Variants in DPAGT1 observed in about 807,000 individuals in gnomAD.
The protein encoded by DPAGT1 is UDP-N-acetylglucosamine--dolichyl-phosphate N-acetylglucosaminephosphotransferase.
In DPAGT1, 25 loss-of-function variants were observed where a neutral mutation model predicts 39.3. The ratio of observed to expected loss-of-function variants is 0.64; its 90% CI spans 0.46 to 0.89. DPAGT1 has a LOEUF of 0.89. Among genes scored for constraint, DPAGT1 ranks in the 40% least tolerant of loss-of-function variants. The pLI, the probability that DPAGT1 is intolerant of heterozygous loss-of-function variation, is 0.00. For missense variants in DPAGT1, 381 were observed against 500.6 expected, an observed-to-expected ratio of 0.76 and a Z score of 2.28; for synonymous variants, 193 against 201.4, an observed-to-expected ratio of 0.96 and a Z score of 0.36.
rs1337164241 is a variant in DPAGT1 at position 119,101,853 on chromosome 11, T to G, written c.-198A>C. On this transcript the variant is annotated 5_prime_UTR_variant, in exon 1 of 9. Coordinates refer to ENST00000354202, the MANE Select transcript of DPAGT1 (RefSeq NM_001382.4). The stretch of plus-strand genomic sequence containing the variant: ...AACCTCTCTAAGGCAACCTATGTTC[T>G]GCCCCGCTGCACCCGCCTATCTACT... 3.5e-6 allele frequency: 5 copies of G among 1,447,238 alleles called. No individual in the cohort carries two copies. The highest frequency in any genetic ancestry group is 4.5e-6 in the Non-Finnish European group (5 of 1,101,942). 89.6% of individuals were successfully genotyped at this position (1,447,238 alleles called of 1,614,324 possible).
chr11:119,101,713 G>A lies in DPAGT1; in HGVS notation c.-58C>T, dbSNP rs1946515125. 6.2e-7 allele frequency: 1 copy of A among 1,612,798 alleles called. No individual in the cohort carries two copies. The highest frequency in any genetic ancestry group is 1.3e-5 in the African/African-American group (1 of 74,906). On this transcript the variant is annotated 5_prime_UTR_variant, in exon 1 of 9. Transcript: ENST00000354202. ...CTTCAGGTAACGGGCAAGCTGAGCA[G>A]CAGTCCTGAGGCCTCAGCAGTATGG...
At position 119,101,695 on chromosome 11, in the gene DPAGT1, T is replaced by C; in HGVS notation, c.-40A>G. 1.2e-6 allele frequency: 2 copies of C among 1,613,874 alleles called. No individual in the cohort carries two copies. Among genetic ancestry groups the C allele is most frequent in the East Asian group, 2.2e-5 (1 of 44,868 alleles). Reference sequence around the variant, plus strand: ...GGCCCGGCTCCGCCGCCTCTTCAGGTAACGGGCAAGCTGAGCAGCAGTCCT... The same window carrying C: ...GGCCCGGCTCCGCCGCCTCTTCAGGCAACGGGCAAGCTGAGCAGCAGTCCT... On this transcript the variant is annotated 5_prime_UTR_variant, in exon 1 of 9. Coordinates refer to ENST00000354202, the MANE Select transcript of DPAGT1 (RefSeq NM_001382.4).
At position 119,101,848 on chromosome 11, in the gene DPAGT1, T is replaced by G; in HGVS notation, c.-193A>C. The G allele has an allele frequency of 1.4e-6, 2 of 1,453,696 alleles. No individual in the cohort carries two copies. The highest frequency in any genetic ancestry group is 1.8e-6 in the Non-Finnish European group (2 of 1,105,128). The allele number at this position is 1,453,696 out of a possible 1,614,324, so 90.0% of individuals were successfully genotyped here. A position where few individuals can be genotyped will look rare whatever the true frequency, so the allele number is the denominator to read the frequency against. On this transcript the variant is annotated 5_prime_UTR_variant, in exon 1 of 9. Coordinates refer to ENST00000354202, the MANE Select transcript of DPAGT1 (RefSeq NM_001382.4). ...CGGGGAACCTCTCTAAGGCAACCTA[T>G]GTTCTGCCCCGCTGCACCCGCCTAT...
chr11:119,097,170 T>G lies in DPAGT1; in HGVS notation c.1133A>C (p.Asn378Thr), dbSNP rs972565409. 6.2e-7 allele frequency: 1 copy of G among 1,613,212 alleles called. No homozygotes were observed. The highest frequency in any genetic ancestry group is 8.5e-7 in the Non-Finnish European group (1 of 1,179,830). ...LKVLGPIHERNLTLLLLLLQI... is the reference protein window; with the variant it reads ...LKVLGPIHERTLTLLLLLLQI... The stretch of plus-strand genomic sequence containing the variant: ...CAGCAGCAGCAGGAGCAATGTGAGG[T>G]TTCTCTCATGTATGGGCCCAAGGAC... The change falls in exon 8 of 9, where the codon AAC (asparagine) becomes ACC (threonine). Residue 378 changes from asparagine (N) to threonine (T), a missense_variant. Physicochemically the swap from Asn to Thr is moderately conservative, Grantham distance 65. Transcript: ENST00000354202. This position sits in a 1 kb window ranked among gnomAD's most constrained non-coding sequence, Gnocchi z 4.6.
chr11:119,099,857 T>C (rs1946465409), intron 4 of DPAGT1, among the ~76,000 whole-genome samples: 1 of 151,674 alleles, frequency 6.6e-6, no homozygotes, highest in African/African-American at 2.4e-5. Flanking sequence ...GTCGCTCATG[T>C]TAGCCGAGAG....
intron 4 of DPAGT1, among the ~76,000 whole-genome samples, chr11:119,099,531 A>G (rs1946456782): frequency 6.6e-6 from 1 of 151,404 alleles, no homozygotes; most frequent in Non-Finnish European, 1.5e-5. Context: ...CAGTGGCTCA[A>G]GAGTGTAATC....
rs1318664859 is a variant in DPAGT1 at position 119,100,857 on chromosome 11, G to A, written c.283-14C>T. The A allele has an allele frequency of 1.9e-6, 3 of 1,614,122 alleles. No individual in the cohort carries two copies. The highest frequency in any genetic ancestry group is 1.7e-6 in the Non-Finnish European group (2 of 1,180,020). ...CAGGGCCACAAACTGGGGGAGGCTCGGGCAGGTCCATGACTCAAGCCTGCT... is the reference window on the plus strand; with the variant it reads ...CAGGGCCACAAACTGGGGGAGGCTCAGGCAGGTCCATGACTCAAGCCTGCT... On this transcript the variant is annotated splice_polypyrimidine_tract_variant and intron_variant, in intron 2 of 8. Transcript: ENST00000354202.
At chr11:119,095,041 G>A, downstream of DPAGT1, 5 of 1,613,646 alleles carry the variant, frequency 3.1e-6, no homozygotes, top group Non-Finnish European at 4.2e-6. Flanking sequence ...TGGTCTTCTT[G>A]GGCAGCAGCA....
Position 119,101,144 on chromosome 11 carries a change from G to A in DPAGT1, c.162-6C>T, listed in dbSNP as rs761454590. ...TCACTCCCTGGGATTCTGGGCTGTG[G>A]CCCAGCAGCAAGGGGGCGAGGGGGA... On this transcript the variant is annotated splice_region_variant and splice_polypyrimidine_tract_variant and intron_variant, in intron 1 of 8. Transcript: ENST00000354202. 17 of 1,613,832 alleles carry A rather than the reference G, an allele frequency of 1.1e-5. No homozygotes were observed. In the African/African-American group the frequency reaches 1.5e-4, roughly 14 times the overall value.
Position 119,097,132 on chromosome 11 carries a change from C to T in DPAGT1, c.1161+10G>A, listed in dbSNP as rs761082821. ...AGACACGGAGGTATAAACTCGATTC[C>T]CATCCTCACCTGCAGCAGCAGCAGG... is the stretch of plus-strand genomic sequence containing the variant. On this transcript the variant is annotated intron_variant, in intron 8 of 8. Coordinates refer to ENST00000354202, the MANE Select transcript of DPAGT1 (RefSeq NM_001382.4). The surrounding 1 kb of genome is among the most constrained non-coding windows in gnomAD (Gnocchi z 4.6). 7 of 1,614,062 alleles carry T rather than the reference C, an allele frequency of 4.3e-6. No homozygotes were observed. In the East Asian group the frequency reaches 1.3e-4, roughly 31 times the overall value.
Position 119,097,186 on chromosome 11 carries a change from GC to G in DPAGT1, c.1116del (p.Ile374TyrfsTer48). 1 of 1,614,152 alleles carries G rather than the reference GC, an allele frequency of 6.2e-7. No individual in the cohort carries two copies. The highest frequency in any genetic ancestry group is 8.5e-7 in the Non-Finnish European group (1 of 1,180,010). ...AATGTGAGGTTTCTCTCATGTATGG[GC>G]CCAAGGACTTTAAGTAGCAAGTTGA... ...TLINLLLKVLGPIHERNLTLL... is the reference protein window; with the variant it reads ...TLINLLLKVLXPIHERNLTLL... On this transcript the variant is annotated frameshift_variant, in exon 8 of 9. Transcript: ENST00000354202. LOFTEE classifies it high-confidence loss of function. This position sits in a 1 kb window ranked among gnomAD's most constrained non-coding sequence, Gnocchi z 4.6.
chr11:119,094,664 G>A (rs554546531), downstream of DPAGT1: 112 of 257,490 alleles, frequency 4.3e-4, no homozygotes, highest in African/African-American at 2.3e-3. Context: ...CGCCACGGAG[G>A]TCCCCGAAGA....
chr11:119,101,203 G>C, intron 1 of DPAGT1, 65 bp from the exon 2 acceptor site: 2 of 1,608,382 alleles, frequency 1.2e-6, no homozygotes, highest in African/African-American at 1.3e-5. Context: ...CACTAGTGCA[G>C]GTGTTACAGT....
chr11:119,095,452 G>A (rs566456517), downstream of DPAGT1: 6 of 1,458,302 alleles, frequency 4.1e-6, no homozygotes, highest in East Asian at 9.9e-5. Flanking sequence ...GACGCCCGCC[G>A]CAGTGTAACT....
rs1019104241 is a variant in DPAGT1 at position 119,100,643 on chromosome 11, C to T, written c.483G>A (p.Leu161=). 1 of 1,614,088 alleles carries T rather than the reference C, an allele frequency of 6.2e-7. No homozygotes were observed. Among genetic ancestry groups the T allele is most frequent in the Non-Finnish European group, 8.5e-7 (1 of 1,179,984 alleles). Residue 161 remains leucine (L), a synonymous_variant, in exon 3 of 9, where the codon CTG becomes CTA. Transcript: ENST00000354202. ...AGGACTACCTACCCAAGTCCAGATGCAGGCCAAGTATCGGGCGGAAGGGCT... is the reference window on the plus strand; with the variant it reads ...AGGACTACCTACCCAAGTCCAGATGTAGGCCAAGTATCGGGCGGAAGGGCT... ...VPKPFRPILG[L]HLDLGILYYV...
Position 119,097,699 on chromosome 11 carries a change from A to T in DPAGT1, c.918-148T>A. 7.1e-7 allele frequency: 1 copy of T among 1,406,692 alleles called. No individual in the cohort carries two copies. Among genetic ancestry groups the T allele is most frequent in the Non-Finnish European group, 1.0e-6 (1 of 997,318 alleles). 87.1% of individuals were successfully genotyped at this position (1,406,692 alleles called of 1,614,324 possible). A position where few individuals can be genotyped will look rare whatever the true frequency, so the allele number is the denominator to read the frequency against. The stretch of plus-strand genomic sequence containing the variant: ...GTTATCAGAACCACTGTAGCAGATT[A>T]TGCAAATAAATGTGCTTTGTAAGTT... On this transcript the variant is annotated intron_variant, in intron 6 of 8. Transcript: ENST00000354202. The surrounding 1 kb of genome is among the most constrained non-coding windows in gnomAD (Gnocchi z 4.6).
Position 119,100,284 on chromosome 11 carries a change from G to T in DPAGT1, c.621C>A (p.Val207=). The T allele has an allele frequency of 6.2e-7, 1 of 1,614,118 alleles. No homozygotes were observed. Among genetic ancestry groups the T allele is most frequent in the Non-Finnish European group, 8.5e-7 (1 of 1,180,024 alleles). The change falls in exon 4 of 9, where the codon GTC becomes GTA. Residue 207 remains valine (V), a synonymous_variant. Transcript: ENST00000354202. The part of the protein sequence containing the change: ...QSLVISASII[V]FNLVELEGDC... ...TACCTTCCAACTCTACCAGGTTGAAGACAATGATGGAAGCAGAAATGACTA... is the reference window on the plus strand; with the variant it reads ...TACCTTCCAACTCTACCAGGTTGAATACAATGATGGAAGCAGAAATGACTA...
chr11:119,101,382 CTGGGTT>C (rs1442359364), intron 1 of DPAGT1, 107 bp downstream of exon 1: 26 of 1,590,862 alleles, frequency 1.6e-5, no homozygotes, highest in Admixed American at 3.3e-5. Flanking sequence ...TCCAGGCTGC[CTGGGTT>C]AGTTCTGAGT....
At chr11:119,101,358 TCACCTCTC>T (rs1946502289) in intron 1 of DPAGT1, 129 bp downstream of exon 1, 1 of 1,539,894 alleles carries the variant, frequency 6.5e-7, no homozygotes, top group East Asian at 2.2e-5. Context: ...GTTCTGCTCA[TCACCTCTC>T]CGAGTTCCAG....
Sources: allele counts gnomAD v4.1 joint callset (sites outside exome capture counted in the v4.1 genomes callset), GRCh38; gene constraint gnomAD v4.1.1; non-coding constraint Gnocchi (gnomAD v3.1); transcripts MANE v1.5; gene names NCBI Gene and HGNC (gene_info 2026-07-23, HGNC 2026-07-21).